Variants in CCDC3 observed in about 807,000 individuals in gnomAD.
CCDC3 encodes coiled-coil domain-containing protein 3.
CCDC3 carries 24 observed loss-of-function variants against 21.4 expected under a neutral mutation model. The ratio of observed to expected loss-of-function variants is 1.12; its 90% CI spans 0.81 to 1.58. The LOEUF (loss-of-function observed/expected upper bound fraction) is 1.58. Ranked by LOEUF, CCDC3 falls within the 40% of genes most tolerant of loss-of-function variation. The pLI, the probability that CCDC3 is intolerant of heterozygous loss-of-function variation, is 0.00. For synonymous variants in CCDC3, 186 were observed against 166.0 expected (o/e 1.12, Z -0.93); for missense variants, 425 against 360.9 (o/e 1.18, Z -1.44).
At chr10:12,979,001 G>A (rs1470922019) in intron 2 of CCDC3, among the ~76,000 whole-genome samples, 1 of 152,080 alleles carries the variant, frequency 6.6e-6, no homozygotes, top group African/African-American at 2.4e-5. Context: ...TCACAACCCT[G>A]TGTCATCGCC....
chr10:13,084,226 G>A (rs533584399), intron 3 of CCDC3, among the ~76,000 whole-genome samples: 34 of 151,808 alleles, frequency 2.2e-4, no homozygotes, highest in African/African-American at 5.3e-4. Flanking sequence ...TTCTGCCTTC[G>A]GGAACGCCCT....
chr10:12,938,057 G>T (rs1002492720), intron 2 of CCDC3, among the ~76,000 whole-genome samples: 1 of 152,124 alleles, frequency 6.6e-6, no homozygotes, highest in Non-Finnish European at 1.5e-5. Flanking sequence ...AACCCACATG[G>T]AATTCTCTCC....
chr10:12,906,596 A>G (rs1298000012), intron 2 of CCDC3, among the ~76,000 whole-genome samples: 10 of 152,122 alleles, frequency 6.6e-5, no homozygotes, highest in South Asian at 2.1e-4. Context: ...CACTCCACGT[A>G]CCCAGATACC....
chr10:13,031,839 G>T (rs889048006), intron 5 of CCDC3, among the ~76,000 whole-genome samples: 1 of 152,254 alleles, frequency 6.6e-6, no homozygotes, highest in Admixed American at 6.5e-5. Context: ...TGAAATTGGG[G>T]CAATAATTAA....
intron 5 of CCDC3, among the ~76,000 whole-genome samples, chr10:13,045,905 T>C (rs770594385): frequency 6.6e-6 from 1 of 150,614 alleles, no homozygotes; most frequent in Non-Finnish European, 1.5e-5. Context: ...CCAGGCCAAG[T>C]TGGTGAAACC....
chr10:12,998,542 G>C (rs1377997193), intron 1 of CCDC3, 30 bp from the exon 2 acceptor site: 1 of 1,606,020 alleles, frequency 6.2e-7, no homozygotes, highest in East Asian at 2.2e-5. Context: ...CAGACATGTA[G>C]GCTAGACAGT....
chr10:13,041,660 G>C (rs1453927938), intron 5 of CCDC3, among the ~76,000 whole-genome samples: 1 of 151,778 alleles, frequency 6.6e-6, no homozygotes, highest in African/African-American at 2.4e-5. Context: ...GAGTAGCTGG[G>C]ACTACAGGGG....
At chr10:13,083,346 C>T (rs1277596248) in intron 3 of CCDC3, among the ~76,000 whole-genome samples, 1 of 152,180 alleles carries the variant, frequency 6.6e-6, no homozygotes, top group Non-Finnish European at 1.5e-5. Flanking sequence ...AGAAAGTTTG[C>T]AGAGGAAAAA....
upstream of CCDC3, among the ~76,000 whole-genome samples, chr10:13,005,608 A>G (rs139185492): frequency 5.3e-3 from 812 of 152,342 alleles, 18 homozygotes; most frequent in Admixed American, 0.031. Context: ...AGAATAAGGC[A>G]TAGATGTGCA....
chr10:13,035,333 G>T (rs1307108531), intron 5 of CCDC3, among the ~76,000 whole-genome samples: 1 of 152,204 alleles, frequency 6.6e-6, no homozygotes, highest in Non-Finnish European at 1.5e-5. Context: ...GATGATTCTT[G>T]CAGCTCAGCA....
At chr10:12,981,255 T>C (rs1013005441) in intron 2 of CCDC3, among the ~76,000 whole-genome samples, 1 of 150,400 alleles carries the variant, frequency 6.6e-6, no homozygotes, top group Non-Finnish European at 1.5e-5. Flanking sequence ...TCTTGGTTCA[T>C]GGCAACTGCC....
At chr10:13,024,887 G>C (rs1589043487) in intron 5 of CCDC3, among the ~76,000 whole-genome samples, 1 of 152,030 alleles carries the variant, frequency 6.6e-6, no homozygotes, top group Non-Finnish European at 1.5e-5. Context: ...CTTCCCATAG[G>C]AATCTCCTCA....
In CCDC3 at chr10:12,954,425, A is replaced by G. The variant is rs114614171; in HGVS notation, c.549+43913T>C. Among the ~76,000 whole-genome samples, 1,114 of 152,376 alleles carry G rather than the reference A, an allele frequency of 7.3e-3. 12 individuals carry two copies. Among genetic ancestry groups the G allele is most frequent in the African/African-American group, 0.025 (1,058 of 41,598 alleles). Reference sequence around the variant, plus strand: ...TCTTTGTCCATTTGTGTTGGTATAAAGGAACATCTGATGCTGGGTAACTCA... The same window carrying G: ...TCTTTGTCCATTTGTGTTGGTATAAGGGAACATCTGATGCTGGGTAACTCA... On this transcript the variant is annotated intron_variant, in intron 2 of 2. Coordinates refer to ENST00000378825, the MANE Select transcript of CCDC3 (RefSeq NM_031455.4).
chr10:12,948,728 G>GTTTTTTTTTTTTTTTT (rs72323989), intron 2 of CCDC3, among the ~76,000 whole-genome samples: 1 of 91,072 alleles, frequency 1.1e-5, no homozygotes, highest in African/African-American at 4.2e-5. Context: ...TTTTAAGGCA[G>GTTTTTTTTTTTTTTTT]TTTTTTTTTT....
rs1053433119 is a variant in CCDC3, at chr10:12,912,452, A to T, written c.550-13773T>A. The stretch of plus-strand genomic sequence containing the variant: ...AGAGGTCTATTTAGGTCCTTTGCCC[A>T]TTTTTTAAATCAGGTTGTTGGCTTT... On this transcript the variant is annotated intron_variant, in intron 2 of 2. Coordinates refer to ENST00000378825, the MANE Select transcript of CCDC3 (RefSeq NM_031455.4). Among the ~76,000 whole-genome samples the T allele has an allele frequency of 9.7e-4, 147 of 152,210 alleles. 1 individual carries two copies. Among genetic ancestry groups the T allele is most frequent in the Middle Eastern group, 3.4e-3 (1 of 294 alleles).
intron 5 of CCDC3, among the ~76,000 whole-genome samples, chr10:13,033,018 G>C (rs1293704302): frequency 1.3e-5 from 2 of 152,154 alleles, no homozygotes; most frequent in Non-Finnish European, 2.9e-5. Context: ...AACCAAAAAA[G>C]AGCTGCATTG....
chr10:12,903,948 T>C (rs1260284322), intron 2 of CCDC3, among the ~76,000 whole-genome samples: 1 of 152,232 alleles, frequency 6.6e-6, no homozygotes, highest in African/African-American at 2.4e-5. Context: ...CATTGTAACA[T>C]TTCTTCCTAG....
chr10:12,957,251 C>A (rs1003248179), intron 2 of CCDC3, among the ~76,000 whole-genome samples: 5 of 152,146 alleles, frequency 3.3e-5, no homozygotes, highest in African/African-American at 1.2e-4. Flanking sequence ...CTGCAGGTTT[C>A]CCCTCTTCCT....
intron 4 of CCDC3, among the ~76,000 whole-genome samples, chr10:13,067,130 C>G (rs1836829206): frequency 6.6e-6 from 1 of 152,198 alleles, no homozygotes; most frequent in African/African-American, 2.4e-5. Flanking sequence ...CTGCACACCC[C>G]CTCACCCCAA....
Sources: gnomAD v4.1 joint callset for allele counts (sites outside exome capture counted in the v4.1 genomes callset) on GRCh38, gnomAD v4.1.1 for gene constraint, MANE v1.5 for transcripts, NCBI Gene and HGNC (gene_info 2026-07-23, HGNC 2026-07-21) for gene names.